ZFAT: variants seen among roughly 807,000 people sequenced by gnomAD.
ZFAT encodes zinc finger protein ZFAT.
A neutral mutation model predicts 117.7 loss-of-function variants in ZFAT; 64 were observed. The observed-to-expected ratio is 0.54, with a 90% CI of 0.44 to 0.67. ZFAT has a LOEUF of 0.67. ZFAT is among the 30% of genes least tolerant of loss of function. ZFAT has a pLI of 0.00. For missense variants in ZFAT, 1,433 were observed against 1,584.5 expected, an observed-to-expected ratio of 0.90 and a Z score of 1.62; for synonymous variants, 679 against 615.0, an observed-to-expected ratio of 1.10 and a Z score of -1.54.
At chr8:134,580,724 A>G (rs1825657410) in intron 10 of ZFAT, among the ~76,000 whole-genome samples, 1 of 152,226 alleles carries the variant, frequency 6.6e-6, no homozygotes, top group Admixed American at 6.5e-5. Context: ...CTGCAAAATA[A>G]AATTGAAAGG....
intron 1 of ZFAT, among the ~76,000 whole-genome samples, chr8:134,685,046 G>C (rs1038215887): frequency 1.3e-5 from 2 of 152,122 alleles, no homozygotes; most frequent in African/African-American, 4.8e-5. Flanking sequence ...GCCACTAGCT[G>C]CAAGGAGGTG....
intron 10 of ZFAT, among the ~76,000 whole-genome samples, chr8:134,566,670 G>A (rs1304702551): frequency 6.6e-6 from 1 of 152,134 alleles, no homozygotes; most frequent in Non-Finnish European, 1.5e-5. Flanking sequence ...CAGAAGTGCT[G>A]GCTCCTCCCA....
At chr8:134,621,163 T>G (rs2131020794) in intron 3 of ZFAT, among the ~76,000 whole-genome samples, 1 of 149,142 alleles carries the variant, frequency 6.7e-6, no homozygotes, top group Non-Finnish European at 1.5e-5. Context: ...GCACACTAGA[T>G]GACATCAAAC....
intron 3 of ZFAT, among the ~76,000 whole-genome samples, 190 bp downstream of exon 3, chr8:134,637,271 G>A (rs552438980): frequency 6.6e-6 from 1 of 152,334 alleles, no homozygotes; most frequent in African/African-American, 2.4e-5. Flanking sequence ...TCAACTCCCA[G>A]ATGACACATT....
chr8:134,707,635 C>T (rs1242531623), intron 1 of ZFAT, among the ~76,000 whole-genome samples: 1 of 152,184 alleles, frequency 6.6e-6, no homozygotes, highest in East Asian at 1.9e-4. Context: ...GTCCTTGGCT[C>T]CAGGTCCCAT....
chr8:134,773,035 A>C, the ZFAT span, among the ~76,000 whole-genome samples: 1 of 150,636 alleles, frequency 6.6e-6, no homozygotes, highest in African/African-American at 2.4e-5. Context: ...TTGAGGCTGC[A>C]GTGAGCTATG....
intron 15 of ZFAT, among the ~76,000 whole-genome samples, chr8:134,487,399 C>T (rs972863569): frequency 6.6e-6 from 1 of 152,018 alleles, no homozygotes; most frequent in African/African-American, 2.4e-5. Flanking sequence ...GTGAGGAAGG[C>T]AGGGTGAGGG....
At position 134,571,738 on chromosome 8, in the gene ZFAT, T is replaced by G. The variant is rs145283176; in HGVS notation, c.2888-6317A>C. ...CCATTAACTCATTTAACTGTCACAATACCTGTTTGACTTTATGAGCTATCA... is the reference window on the plus strand; with the variant it reads ...CCATTAACTCATTTAACTGTCACAAGACCTGTTTGACTTTATGAGCTATCA... On this transcript the variant is annotated intron_variant, in intron 10 of 15. Transcript: ENST00000377838. Among the ~76,000 whole-genome samples, 20 of 152,358 alleles carry G rather than the reference T, an allele frequency of 1.3e-4. No individual in the cohort carries two copies. The East Asian group carries it at 3.7e-3, about 28-fold the overall frequency.
the ZFAT span, among the ~76,000 whole-genome samples, chr8:134,828,787 G>GA: frequency 6.6e-6 from 1 of 151,934 alleles, no homozygotes; most frequent in East Asian, 1.9e-4. Flanking sequence ...AACACAAAGG[G>GA]AAAAAACTCC....
chr8:134,586,969 C>T (rs775524947), intron 9 of ZFAT, among the ~76,000 whole-genome samples: 1 of 152,206 alleles, frequency 6.6e-6, no homozygotes, highest in Non-Finnish European at 1.5e-5. Flanking sequence ...AATACTGACT[C>T]CAATAACGTG....
At chr8:134,807,666 C>CA in the ZFAT span, among the ~76,000 whole-genome samples, 4 of 150,130 alleles carry the variant, frequency 2.7e-5, no homozygotes, top group Non-Finnish European at 4.4e-5. Context: ...CAAGAATTCA[C>CA]AAACCACCAG....
intron 1 of ZFAT, among the ~76,000 whole-genome samples, chr8:134,667,717 CT>C (rs1441866373): frequency 5.9e-5 from 9 of 152,082 alleles, no homozygotes; most frequent in Non-Finnish European, 1.2e-4. Flanking sequence ...GGATTTCCAA[CT>C]GAGGTACCGG....
intron 7 of ZFAT, among the ~76,000 whole-genome samples, chr8:134,595,579 C>T (rs942828852): frequency 1.3e-5 from 2 of 152,160 alleles, no homozygotes; most frequent in African/African-American, 2.4e-5. Context: ...CTACTAAAAT[C>T]GTCTCAAGTG....
rs79281711 is a variant in ZFAT at position 134,707,830 on chromosome 8, T to G, written c.19+5015A>C. ...CAGAGTTCCACCTTTTGCAGCTCCA[T>G]GTATTACATGATTTAAAATAACTCA... On this transcript the variant is annotated intron_variant, in intron 1 of 15. Transcript: ENST00000377838. Among the ~76,000 whole-genome samples, 949 of 152,348 alleles carry G rather than the reference T, an allele frequency of 6.2e-3. 11 individuals carry two copies. Among genetic ancestry groups the G allele is most frequent in the African/African-American group, 0.021 (886 of 41,570 alleles).
intron 5 of ZFAT, among the ~76,000 whole-genome samples, chr8:134,604,367 A>C (rs1172187336): frequency 6.6e-6 from 1 of 152,144 alleles, no homozygotes; most frequent in Non-Finnish European, 1.5e-5. Context: ...ACACGCAGCG[A>C]CCCTGCCCCA....
intron 5 of ZFAT, among the ~76,000 whole-genome samples, chr8:134,604,099 C>T (rs1435612322): frequency 6.6e-6 from 1 of 152,222 alleles, no homozygotes; most frequent in Non-Finnish European, 1.5e-5. Context: ...AATTCTGTCT[C>T]TTTCACTAAT....
At chr8:134,612,592 T>C (rs1828423790) in intron 3 of ZFAT, among the ~76,000 whole-genome samples, 1 of 152,232 alleles carries the variant, frequency 6.6e-6, no homozygotes, top group Admixed American at 6.5e-5. Flanking sequence ...TTTTTTGGTG[T>C]TCGTCCCACA....
chr8:134,669,671 C>A (rs1348406606), intron 1 of ZFAT, among the ~76,000 whole-genome samples: 1 of 152,130 alleles, frequency 6.6e-6, no homozygotes, highest in Non-Finnish European at 1.5e-5. Flanking sequence ...AAGACCATCG[C>A]TGCTAGGAAG....
rs1827554147 is a variant in ZFAT, at chr8:134,602,333, G to A, written c.1386C>T (p.Val462=). 6.2e-7 allele frequency: 1 copy of A among 1,613,752 alleles called. No individual in the cohort carries two copies. Among genetic ancestry groups the A allele is most frequent in the South Asian group, 1.1e-5 (1 of 91,088 alleles). Reference sequence around the variant, plus strand: ...TGGAGCTGACGAACTTCTTGCGGCAGACGGCACAGACGTACACGAAGGGGT... The same window carrying A: ...TGGAGCTGACGAACTTCTTGCGGCAAACGGCACAGACGTACACGAAGGGGT... ...RKHPFVYVCA[V]CRKKFVSSIR... is the part of the protein sequence containing the mutation. The change falls in exon 6 of 16, where the codon GTC becomes GTT. Residue 462 remains valine (V), a synonymous_variant. Transcript: ENST00000377838.
Sources: allele counts gnomAD v4.1 joint callset (sites outside exome capture counted in the v4.1 genomes callset), GRCh38; gene constraint gnomAD v4.1.1; transcripts MANE v1.5; gene names NCBI Gene and HGNC (gene_info 2026-07-23, HGNC 2026-07-21).